Variants in SCAPER observed in about 807,000 individuals in gnomAD.
SCAPER encodes S-phase cyclin A associated protein in the ER, also known as S phase cyclin A-associated protein in the endoplasmic reticulum.
A neutral mutation model predicts 182.2 loss-of-function variants in SCAPER; 98 were observed. That is an observed-to-expected ratio of 0.54 (90% CI 0.46 to 0.64). The LOEUF is 0.64. SCAPER is among the 30% of genes least tolerant of loss of function. The probability of loss-of-function intolerance (pLI) is 0.00; values close to 1 mark genes in which losing one functional copy is unlikely to be tolerated. For synonymous variants in SCAPER, 605 were observed against 564.6 expected, an observed-to-expected ratio of 1.07 and a Z score of -1.01; for missense variants, 1,432 against 1,690.0, an observed-to-expected ratio of 0.85 and a Z score of 2.68.
intron 8 of SCAPER, among the ~76,000 whole-genome samples, chr15:76,778,606 A>G (rs1180208393): frequency 6.6e-6 from 1 of 151,910 alleles, no homozygotes; most frequent in African/African-American, 2.4e-5. Context: ...GGGACTCCAT[A>G]AACTCTTTAA....
chr15:76,779,528 C>A (rs951721520), intron 8 of SCAPER, among the ~76,000 whole-genome samples: 2 of 152,130 alleles, frequency 1.3e-5, no homozygotes, highest in East Asian at 3.9e-4. Flanking sequence ...AGCCCCGTAA[C>A]TGTTAAAGAA....
intron 24 of SCAPER, among the ~76,000 whole-genome samples, chr15:76,499,486 C>T (rs2040899273): frequency 1.3e-5 from 2 of 152,182 alleles, no homozygotes; most frequent in Non-Finnish European, 2.9e-5. Flanking sequence ...CCTTTTACTG[C>T]TTTGCTTTCA....
intron 27 of SCAPER, among the ~76,000 whole-genome samples, chr15:76,399,563 C>G (rs574099810): frequency 6.6e-6 from 1 of 152,228 alleles, no homozygotes; most frequent in African/African-American, 2.4e-5. Flanking sequence ...ATCAGAGGAT[C>G]ACGATTTCAA....
chr15:76,442,573 TAATA>T (rs1321356501), intron 25 of SCAPER, among the ~76,000 whole-genome samples: 2 of 152,220 alleles, frequency 1.3e-5, no homozygotes, highest in Admixed American at 1.3e-4. Context: ...CAGCTTTAAT[TAATA>T]TTTACTGAGA....
At position 76,604,305 on chromosome 15, in the gene SCAPER, T is replaced by C. The variant is rs530475275; in HGVS notation, c.2711+17459A>G. On this transcript the variant is annotated intron_variant, in intron 22 of 31. Transcript: ENST00000563290. ...GAATCCTTTCCCTATTGCTTGTTTT[T>C]GTCAGGTTTGTCAAAGATCAGATAG... 3.4e-4 allele frequency among the ~76,000 whole-genome samples: 41 copies of C among 121,054 alleles called. 14 individuals are homozygous for C. The highest frequency in any genetic ancestry group is 6.2e-4 in the Non-Finnish European group (31 of 49,844). The allele number at this position is 121,054 out of a possible 152,430, so 79.4% of individuals were successfully genotyped here.
chr15:76,469,861 C>T (rs1194458956), intron 25 of SCAPER, among the ~76,000 whole-genome samples: 1 of 152,042 alleles, frequency 6.6e-6, no homozygotes, highest in Non-Finnish European at 1.5e-5. Context: ...GTTATCTTTT[C>T]TCCTTGTGCT....
chr15:76,815,503 T>C (rs2066997133), intron 5 of SCAPER, among the ~76,000 whole-genome samples: 1 of 152,030 alleles, frequency 6.6e-6, no homozygotes. Context: ...ACCATCAGAG[T>C]GTACTTACAA....
chr15:76,849,464 C>T (rs2070483826), intron 4 of SCAPER, among the ~76,000 whole-genome samples: 1 of 152,212 alleles, frequency 6.6e-6, no homozygotes, highest in Non-Finnish European at 1.5e-5. Context: ...GCCCACAGCA[C>T]AGACCCTCCA....
At chr15:76,865,545 A>AT (rs1175783588) in intron 2 of SCAPER, among the ~76,000 whole-genome samples, 1 of 152,126 alleles carries the variant, frequency 6.6e-6, no homozygotes, top group Non-Finnish European at 1.5e-5. Context: ...AACAGAATGG[A>AT]TTTTTAAGAT....
intron 26 of SCAPER, among the ~76,000 whole-genome samples, chr15:76,429,628 A>G (rs2046722194): frequency 6.6e-6 from 1 of 152,054 alleles, no homozygotes; most frequent in African/African-American, 2.4e-5. Flanking sequence ...GAGGGAGATG[A>G]TTTAGGGTAT....
intron 4 of SCAPER, among the ~76,000 whole-genome samples, chr15:76,848,876 G>A (rs1451842385): frequency 6.6e-6 from 1 of 151,874 alleles, no homozygotes; most frequent in African/African-American, 2.4e-5. Context: ...ACTAGGCAGG[G>A]CCCATGGCTC....
intron 2 of SCAPER, among the ~76,000 whole-genome samples, chr15:76,871,546 C>A (rs1438139779): frequency 1.3e-5 from 2 of 148,488 alleles, no homozygotes; most frequent in South Asian, 2.1e-4. Context: ...CAAGGAGCTG[C>A]GGCTGGCGTT....
chr15:76,630,315 C>A (rs1168017141), intron 21 of SCAPER, among the ~76,000 whole-genome samples: 2 of 152,036 alleles, frequency 1.3e-5, no homozygotes, highest in Admixed American at 1.3e-4. Context: ...CTGCTCTGAG[C>A]TTGGTTATTT....
intron 29 of SCAPER, among the ~76,000 whole-genome samples, chr15:76,356,987 C>G (rs768781526): frequency 6.6e-6 from 1 of 152,092 alleles, no homozygotes; most frequent in Non-Finnish European, 1.5e-5. Context: ...TGAAATGGAA[C>G]CTTGTTCCTG....
At chr15:76,490,607 T>C (rs569460053) in intron 24 of SCAPER, among the ~76,000 whole-genome samples, 1 of 152,320 alleles carries the variant, frequency 6.6e-6, no homozygotes, top group South Asian at 2.1e-4. Context: ...TTTCATTCTA[T>C]TGTTTCCTTT....
chr15:76,494,426 T>A (rs1183022568), intron 24 of SCAPER, among the ~76,000 whole-genome samples: 2 of 152,170 alleles, frequency 1.3e-5, no homozygotes. Flanking sequence ...ACAGATAATT[T>A]CCTATACCCA....
At position 76,594,687 on chromosome 15, in the gene SCAPER, A is replaced by G. The variant is rs543186824; in HGVS notation, c.2712-20403T>C. On this transcript the variant is annotated intron_variant, in intron 22 of 31. Coordinates refer to ENST00000563290, the MANE Select transcript of SCAPER (RefSeq NM_020843.4). ...GGGCCAATACTCAACATTATTAAAGAAAAGAATTTTCAACCCAGAATTTCA... is the reference window on the plus strand; with the variant it reads ...GGGCCAATACTCAACATTATTAAAGGAAAGAATTTTCAACCCAGAATTTCA... Among the ~76,000 whole-genome samples the G allele has an allele frequency of 8.0e-4, 98 of 122,080 alleles. 34 individuals are homozygous for G. The highest frequency in any genetic ancestry group is 7.8e-4 in the Non-Finnish European group (39 of 50,210). 80.1% of individuals were successfully genotyped at this position (122,080 alleles called of 152,430 possible).
At chr15:76,706,050 AAT>A in intron 17 of SCAPER, 66 bp from the exon 18 acceptor site, 2 of 1,279,450 alleles carry the variant, frequency 1.6e-6, no homozygotes, top group Middle Eastern at 1.9e-4. Context: ...GAGACTCAAA[AAT>A]ACAATTAGGA....
intron 1 of SCAPER, among the ~76,000 whole-genome samples, chr15:76,890,212 G>A (rs937110516): frequency 6.6e-6 from 1 of 152,188 alleles, no homozygotes; most frequent in Non-Finnish European, 1.5e-5. Flanking sequence ...ACAAGAGAAA[G>A]CAGGAAAGAT....
Sources: allele counts gnomAD v4.1 joint callset (sites outside exome capture counted in the v4.1 genomes callset), GRCh38; gene constraint gnomAD v4.1.1; transcripts MANE v1.5; gene names NCBI Gene and HGNC (gene_info 2026-07-23, HGNC 2026-07-21).